The following LRMDA variants were observed in gnomAD, a reference collection of about 807,000 sequenced individuals.
The protein encoded by LRMDA is leucine rich melanocyte differentiation associated.
Under a neutral mutation model 29.8 loss-of-function variants are expected in LRMDA, and 18 were observed. The ratio of observed to expected loss-of-function variants is 0.60; its 90% CI spans 0.42 to 0.90. The LOEUF is 0.90. Ranked by LOEUF, LRMDA falls within the 40% of genes least tolerant of loss-of-function variation. The probability of loss-of-function intolerance (pLI) is 0.00; values close to 1 mark genes in which losing one functional copy is unlikely to be tolerated. For missense variants in LRMDA, 273 were observed against 273.9 expected (o/e 1.00, Z 0.02); for synonymous variants, 125 against 109.4 (o/e 1.14, Z -0.89).
intron 5 of LRMDA, among the ~76,000 whole-genome samples, chr10:76,251,895 G>C (rs1275200295): frequency 1.3e-5 from 2 of 152,128 alleles, no homozygotes; most frequent in Non-Finnish European, 2.9e-5. Flanking sequence ...GTTAAATACT[G>C]CCACATTGAT....
intron 2 of LRMDA, among the ~76,000 whole-genome samples, chr10:75,641,573 A>G (rs1280094592): frequency 1.3e-5 from 2 of 152,078 alleles, no homozygotes; most frequent in African/African-American, 2.4e-5. Context: ...TCACAACTCA[A>G]TGCAGCCTCG....
chr10:76,477,150 C>T (rs1166603257), intron 6 of LRMDA, among the ~76,000 whole-genome samples: 1 of 152,062 alleles, frequency 6.6e-6, no homozygotes, highest in Non-Finnish European at 1.5e-5. Flanking sequence ...ATCTAGAAAA[C>T]CCCATCGTCT....
At chr10:76,135,428 C>T (rs1214810247) in intron 5 of LRMDA, among the ~76,000 whole-genome samples, 3 of 152,212 alleles carry the variant, frequency 2.0e-5, no homozygotes, top group Non-Finnish European at 4.4e-5. Flanking sequence ...GATAACCCTT[C>T]AAGGCTTCTA....
At chr10:76,180,321 T>A (rs1035968630) in intron 5 of LRMDA, among the ~76,000 whole-genome samples, 2 of 136,108 alleles carry the variant, frequency 1.5e-5, no homozygotes, top group Non-Finnish European at 3.1e-5. Flanking sequence ...AGTCTCACAC[T>A]GTCACCCCGG....
At chr10:76,274,156 G>A (rs879855548) in intron 5 of LRMDA, among the ~76,000 whole-genome samples, 2 of 152,064 alleles carry the variant, frequency 1.3e-5, no homozygotes, top group Admixed American at 6.6e-5. Flanking sequence ...CCAAATATTG[G>A]AGTAAGTTAT....
intron 2 of LRMDA, among the ~76,000 whole-genome samples, chr10:75,529,564 G>C (rs903209364): frequency 6.6e-6 from 1 of 152,160 alleles, no homozygotes; most frequent in African/African-American, 2.4e-5. Flanking sequence ...AGCCTGGAGT[G>C]CCATCAGCCT....
At chr10:76,058,557 A>T (rs139344494) in intron 4 of LRMDA, 109 bp from the exon 5 acceptor site, 1 of 881,592 alleles carries the variant, frequency 1.1e-6, no homozygotes, top group Non-Finnish European at 1.9e-6. Flanking sequence ...GCCAAGGTCT[A>T]AGTTCCAGAA....
intron 2 of LRMDA, among the ~76,000 whole-genome samples, chr10:75,721,905 A>G (rs1177514745): frequency 1.3e-5 from 2 of 152,176 alleles, no homozygotes; most frequent in Non-Finnish European, 2.9e-5. Flanking sequence ...AAATGCTGGC[A>G]ATCATTAATT....
At chr10:76,151,297 G>A (rs1218448087) in intron 5 of LRMDA, among the ~76,000 whole-genome samples, 3 of 152,098 alleles carry the variant, frequency 2.0e-5, no homozygotes, top group Non-Finnish European at 2.9e-5. Flanking sequence ...ACAGTTATGC[G>A]GCTTGCTACT....
intron 2 of LRMDA, among the ~76,000 whole-genome samples, chr10:75,580,998 C>T: frequency 6.6e-6 from 1 of 152,204 alleles, no homozygotes; most frequent in Non-Finnish European, 1.5e-5. Context: ...CCATTCAGGA[C>T]ATAGGCATGG....
intron 2 of LRMDA, among the ~76,000 whole-genome samples, chr10:75,953,574 A>G (rs1470095769): frequency 1.3e-5 from 2 of 152,176 alleles, no homozygotes; most frequent in African/African-American, 2.4e-5. Context: ...TTTATTTTAG[A>G]TTAATTTAAG....
At chr10:76,146,118 G>T (rs1305346242) in intron 5 of LRMDA, among the ~76,000 whole-genome samples, 2 of 152,004 alleles carry the variant, frequency 1.3e-5, no homozygotes, top group African/African-American at 4.8e-5. Context: ...CAACTATGTG[G>T]TCAATTTTGG....
chr10:75,965,628 T>G (rs1846845943), intron 2 of LRMDA, among the ~76,000 whole-genome samples: 1 of 152,208 alleles, frequency 6.6e-6, no homozygotes, highest in African/African-American at 2.4e-5. Flanking sequence ...TGTTGGGCTC[T>G]GTGGTGCTGT....
At chr10:75,777,051 A>G (rs1412500315) in intron 2 of LRMDA, among the ~76,000 whole-genome samples, 1 of 152,184 alleles carries the variant, frequency 6.6e-6, no homozygotes, top group Non-Finnish European at 1.5e-5. Context: ...TTTTGATGGC[A>G]ACCTTGAGTG....
At chr10:75,938,812 T>G in intron 2 of LRMDA, among the ~76,000 whole-genome samples, 1 of 152,196 alleles carries the variant, frequency 6.6e-6, no homozygotes, top group East Asian at 1.9e-4. Context: ...ATTGTTTGTC[T>G]GAGGTTAGTA....
chr10:76,187,871 T>A (rs1458702430), intron 5 of LRMDA, among the ~76,000 whole-genome samples: 3 of 152,186 alleles, frequency 2.0e-5, no homozygotes, highest in South Asian at 2.1e-4. Context: ...AATTTTTTTT[T>A]ATTTTCATCC....
At chr10:76,189,924 T>G (rs556365693) in intron 5 of LRMDA, among the ~76,000 whole-genome samples, 30 of 152,156 alleles carry the variant, frequency 2.0e-4, no homozygotes, top group Non-Finnish European at 3.7e-4. Context: ...ATTTTATGAT[T>G]CTAGAGGGTG....
At chr10:76,407,385 AGAG>A (rs776795589) in intron 6 of LRMDA, among the ~76,000 whole-genome samples, 3 of 152,208 alleles carry the variant, frequency 2.0e-5, no homozygotes, top group Non-Finnish European at 2.9e-5. Flanking sequence ...TGAGATACCC[AGAG>A]GAGTTGGAAC....
At chr10:76,091,007 A>G (rs1047171500) in intron 5 of LRMDA, among the ~76,000 whole-genome samples, 1 of 152,362 alleles carries the variant, frequency 6.6e-6, no homozygotes, top group Non-Finnish European at 1.5e-5. Context: ...ATTTTACCAC[A>G]TATAATATTA....
Sources: gnomAD v4.1 joint callset for allele counts (sites outside exome capture counted in the v4.1 genomes callset) on GRCh38, gnomAD v4.1.1 for gene constraint, MANE v1.5 for transcripts, NCBI Gene and HGNC (gene_info 2026-07-23, HGNC 2026-07-21) for gene names.